The following CCNJL variants were observed in gnomAD, a reference collection of about 807,000 sequenced individuals.
CCNJL encodes the protein cyclin J like.
A neutral mutation model predicts 33.4 loss-of-function variants in CCNJL; 33 were observed. That is an observed-to-expected ratio of 0.99 (90% CI 0.75 to 1.32). The LOEUF (loss-of-function observed/expected upper bound fraction) is 1.32. CCNJL is among the 40% of genes most tolerant of loss of function. The pLI is 0.00. For synonymous variants in CCNJL, 227 were observed against 220.9 expected (o/e 1.03, Z -0.24); for missense variants, 512 against 499.7 (o/e 1.02, Z -0.23).
Position 160,249,852 on chromosome 5 carries a change from T to C in CCNJL, c.*3526A>G. ...AAACTAAACTGGGGAGTTATAAAAA[T>C]ACAACTGAAATATAAAAAACAAACA... On this transcript the variant is annotated 3_prime_UTR_variant, in exon 6 of 6. Coordinates refer to ENST00000257536, the MANE Select transcript of CCNJL (RefSeq NM_001308173.3). 6.6e-6 allele frequency: 1 copy of C among 151,750 alleles called. No individual in the cohort carries two copies. The highest frequency in any genetic ancestry group is 1.9e-4 in the East Asian group (1 of 5,192). 9.4% of individuals were successfully genotyped at this position (151,750 alleles called of 1,614,324 possible).
intron 1 of CCNJL, among the ~76,000 whole-genome samples, chr5:160,329,350 C>CCT: frequency 7.5e-6 from 1 of 133,046 alleles, no homozygotes; most frequent in South Asian, 2.5e-4. Context: ...AGGAAGTCTT[C>CCT]TTTTTTTTTT....
chr5:160,292,065 A>C (rs1762604612), intron 2 of CCNJL, among the ~76,000 whole-genome samples: 1 of 151,324 alleles, frequency 6.6e-6, no homozygotes, highest in African/African-American at 2.5e-5. Context: ...CCGTCTCTTT[A>C]AAAAACAAAA....
Position 160,277,082 on chromosome 5 carries a change from C to T in CCNJL, c.280+3443G>A, listed in dbSNP as rs139663082. 2.4e-3 allele frequency among the ~76,000 whole-genome samples: 368 copies of T among 152,188 alleles called. 2 individuals are homozygous for T. The highest frequency in any genetic ancestry group is 4.3e-3 in the Non-Finnish European group (290 of 68,006). Reference sequence around the variant, plus strand: ...TGCTGGGATTACAGGTGTGAGCCACCGTGCCTGGTTGTATTTTTCTTTACA... The same window carrying T: ...TGCTGGGATTACAGGTGTGAGCCACTGTGCCTGGTTGTATTTTTCTTTACA... On this transcript the variant is annotated intron_variant, in intron 3 of 5. Transcript: ENST00000257536.
chr5:160,258,931 G>A (rs545036800), intron 4 of CCNJL, among the ~76,000 whole-genome samples: 6 of 152,148 alleles, frequency 3.9e-5, no homozygotes, highest in African/African-American at 7.2e-5. Context: ...TCCTGACCTC[G>A]TGATCTGTCC....
chr5:160,292,571 C>T (rs553273076), intron 2 of CCNJL, among the ~76,000 whole-genome samples: 1 of 151,974 alleles, frequency 6.6e-6, no homozygotes, highest in African/African-American at 2.4e-5. Context: ...CAGTGACCTA[C>T]GATTATGCCA....
At chr5:160,290,059 T>G (rs2113386004) in intron 2 of CCNJL, among the ~76,000 whole-genome samples, 1 of 152,276 alleles carries the variant, frequency 6.6e-6, no homozygotes, top group Middle Eastern at 3.4e-3. Flanking sequence ...GAGGCTAACC[T>G]CGGAGGGGTT....
chr5:160,293,023 C>G lies in CCNJL; in HGVS notation c.67-12285G>C, dbSNP rs141258284. On this transcript the variant is annotated intron_variant, in intron 2 of 5. Coordinates refer to ENST00000257536, the MANE Select transcript of CCNJL (RefSeq NM_001308173.3). ...CAGTTAATAAATGGTGAATCTGAACCTGGGTCTTCTGACTCTACTGTTTTC... is the reference window on the plus strand; with the variant it reads ...CAGTTAATAAATGGTGAATCTGAACGTGGGTCTTCTGACTCTACTGTTTTC... 2.1e-3 allele frequency among the ~76,000 whole-genome samples: 321 copies of G among 152,336 alleles called. 1 individual carries two copies. The highest frequency in any genetic ancestry group is 6.8e-3 in the African/African-American group (284 of 41,580).
At chr5:160,278,620 A>G (rs1337789365) in intron 3 of CCNJL, among the ~76,000 whole-genome samples, 2 of 152,184 alleles carry the variant, frequency 1.3e-5, no homozygotes, top group Admixed American at 6.5e-5. Flanking sequence ...CTCTGTCTGA[A>G]ACGTCCCCTC....
At chr5:160,330,781 A>G (rs957811385) in intron 1 of CCNJL, among the ~76,000 whole-genome samples, 3 of 152,128 alleles carry the variant, frequency 2.0e-5, no homozygotes, top group Non-Finnish European at 4.4e-5. Context: ...CTCCTGCCTC[A>G]GCCTCCCAAG....
chr5:160,309,694 G>A (rs1287858662), intron 2 of CCNJL, among the ~76,000 whole-genome samples: 1 of 152,152 alleles, frequency 6.6e-6, no homozygotes, highest in Admixed American at 6.5e-5. Flanking sequence ...TTTTGAAGAA[G>A]CATTTTCTTC....
rs186157330 is a variant in CCNJL, at chr5:160,303,830, T to G, written c.66+8028A>C. On this transcript the variant is annotated intron_variant, in intron 2 of 5. Coordinates refer to ENST00000257536, the MANE Select transcript of CCNJL (RefSeq NM_001308173.3). ...GTGCTCAGATATACTAGAGAACTGC[T>G]GGCTGCACTCCCTTTACCCGAGGGA... is the stretch of plus-strand genomic sequence containing the variant. Among the ~76,000 whole-genome samples the G allele has an allele frequency of 3.9e-4, 59 of 152,162 alleles. No individual in the cohort carries two copies. In the East Asian group the frequency reaches 0.011, roughly 28 times the overall value.
At chr5:160,317,499 C>T (rs1216089090), upstream of CCNJL, among the ~76,000 whole-genome samples, 1 of 152,162 alleles carries the variant, frequency 6.6e-6, no homozygotes, top group Non-Finnish European at 1.5e-5. Flanking sequence ...TGATAAGTGT[C>T]TGCTGTTCCG....
In CCNJL at chr5:160,321,012, C is replaced by T. The variant is rs4921126; in HGVS notation, n.207-5507G>A. 2.3e-3 allele frequency among the ~76,000 whole-genome samples: 169 copies of T among 71,950 alleles called. 6 individuals are homozygous for T. The highest frequency in any genetic ancestry group is 5.0e-3 in the African/African-American group (72 of 14,466). The allele number at this position is 71,950 out of a possible 152,430, so 47.2% of individuals were successfully genotyped here. A position where few individuals can be genotyped will look rare whatever the true frequency, so the allele number is the denominator to read the frequency against. On this transcript the variant is annotated intron_variant and non_coding_transcript_variant, in intron 1 of 7. Transcript: ENST00000377503. ...TTTCTTTCTTTCTCTCTCTCTCTCT[C>T]TCTTTCTTTCTTTCTTTCTTTCTTT...
rs1383841948 is a variant in CCNJL, at chr5:160,249,128, A to G, written c.*4250T>C. On this transcript the variant is annotated 3_prime_UTR_variant, in exon 6 of 6. Transcript: ENST00000257536. ...TACTTCTTGATTTTTTGCCTAGTGT[A>G]TTTCATGAGGAGGTCAGCTCATTTG... is the stretch of plus-strand genomic sequence containing the variant. 6.6e-6 allele frequency: 1 copy of G among 152,172 alleles called. No individual in the cohort carries two copies. Among genetic ancestry groups the G allele is most frequent in the Non-Finnish European group, 1.5e-5 (1 of 68,032 alleles). 9.4% of individuals were successfully genotyped at this position (152,172 alleles called of 1,614,324 possible).
intron 1 of CCNJL, among the ~76,000 whole-genome samples, chr5:160,324,039 A>G (rs1273322842): frequency 6.6e-6 from 1 of 152,188 alleles, no homozygotes; most frequent in Non-Finnish European, 1.5e-5. Context: ...CAGCTTGCCA[A>G]CTACAGATCT....
At chr5:160,268,548 G>A (rs1376835039) in intron 3 of CCNJL, among the ~76,000 whole-genome samples, 1 of 152,234 alleles carries the variant, frequency 6.6e-6, no homozygotes, top group Non-Finnish European at 1.5e-5. Flanking sequence ...GTTTCTGGAT[G>A]AGATTTGGTG....
chr5:160,263,640 C>T (rs575476149), intron 3 of CCNJL, among the ~76,000 whole-genome samples: 66 of 152,314 alleles, frequency 4.3e-4, no homozygotes, highest in African/African-American at 1.5e-3. Flanking sequence ...TCCTAGGAAA[C>T]GTCACTTTGT....
At chr5:160,299,981 T>G (rs183173969) in intron 2 of CCNJL, among the ~76,000 whole-genome samples, 2 of 152,268 alleles carry the variant, frequency 1.3e-5, no homozygotes, top group East Asian at 3.9e-4. Context: ...TGAAGTTCTC[T>G]CCAACTTTCC....
In CCNJL at chr5:160,280,752, G is replaced by T; in HGVS notation, c.67-14C>A. 6.4e-7 allele frequency: 1 copy of T among 1,555,468 alleles called. No homozygotes were observed. The highest frequency in any genetic ancestry group is 8.8e-7 in the Non-Finnish European group (1 of 1,142,280). ...CAGCTTCAGTTCCTGGAGGACAGGCGGGGCGGAGGGGTGACGGTCAGGGCT... is the reference window on the plus strand; with the variant it reads ...CAGCTTCAGTTCCTGGAGGACAGGCTGGGCGGAGGGGTGACGGTCAGGGCT... On this transcript the variant is annotated splice_polypyrimidine_tract_variant and intron_variant, in intron 2 of 5. Transcript: ENST00000257536.
Sources: gnomAD v4.1 joint callset for allele counts (sites outside exome capture counted in the v4.1 genomes callset) on GRCh38, gnomAD v4.1.1 for gene constraint, MANE v1.5 for transcripts, NCBI Gene and HGNC (gene_info 2026-07-23, HGNC 2026-07-21) for gene names.